ARHGEF10: variants seen among roughly 807,000 people sequenced by gnomAD.
ARHGEF10 encodes Rho guanine nucleotide exchange factor (GEF) 10.
ARHGEF10 carries 140 observed loss-of-function variants against 147.4 expected under a neutral mutation model. That is an observed-to-expected ratio of 0.95 (90% CI 0.83 to 1.09). The LOEUF (loss-of-function observed/expected upper bound fraction) is 1.09, where lower values mean the gene tolerates loss of function less well. Among genes scored for constraint, ARHGEF10 ranks in the 50% least tolerant of loss-of-function variants. The pLI is 0.00. For missense variants in ARHGEF10, 2,222 were observed against 1,752.7 expected, an observed-to-expected ratio of 1.27 and a Z score of -4.78; for synonymous variants, 902 against 695.8, an observed-to-expected ratio of 1.30 and a Z score of -4.67.
chr8:1,869,488 A>C lies in ARHGEF10; in HGVS notation c.679+238A>C, dbSNP rs576600042. On this transcript the variant is annotated intron_variant, in intron 7 of 28. Coordinates refer to ENST00000349830, the MANE Select transcript of ARHGEF10 (RefSeq NM_014629.4). ...CTTACTTATCCCAAGCAAACAGAGG[A>C]GTAAAGGTACAGAAAATGCCGGCAA... 4.3e-5 allele frequency: 27 copies of C among 626,418 alleles called. No individual in the cohort carries two copies. In the African/African-American group the frequency reaches 4.9e-4, roughly 11 times the overall value. The allele number at this position is 626,418 out of a possible 1,614,324, so 38.8% of individuals were successfully genotyped here. A position where few individuals can be genotyped will look rare whatever the true frequency, so the allele number is the denominator to read the frequency against.
chr8:1,853,189 A>G (rs1805278682), intron 2 of ARHGEF10, among the ~76,000 whole-genome samples: 1 of 152,126 alleles, frequency 6.6e-6, no homozygotes, highest in African/African-American at 2.4e-5. Context: ...GACTCTCAGA[A>G]CCTGCCGTCC....
intron 2 of ARHGEF10, 56 bp from the exon 3 acceptor site, chr8:1,857,904 A>G: frequency 3.9e-6 from 5 of 1,281,158 alleles, no homozygotes; most frequent in African/African-American, 2.9e-5. Context: ...CTATCTATCT[A>G]TCTATCTATC....
chr8:1,895,364 G>A (rs1809886691), intron 13 of ARHGEF10, among the ~76,000 whole-genome samples: 1 of 151,868 alleles, frequency 6.6e-6, no homozygotes, highest in Non-Finnish European at 1.5e-5. Context: ...TGCAAGTTTT[G>A]AAAAAAGTGT....
chr8:1,884,364 C>G (rs530097030), intron 10 of ARHGEF10, among the ~76,000 whole-genome samples: 29 of 150,854 alleles, frequency 1.9e-4, no homozygotes, highest in African/African-American at 6.6e-4. Flanking sequence ...CCACTGCACT[C>G]CAGCCTGGGC....
chr8:1,937,580 T>C lies in ARHGEF10; in HGVS notation c.3222+3638T>C, dbSNP rs1488309190. On this transcript the variant is annotated intron_variant, in intron 26 of 28. Transcript: ENST00000349830. This position sits in a 1 kb window ranked among gnomAD's most constrained non-coding sequence, Gnocchi z 4.9. ...TTTAGTACCAAAATAACTAAATACA[T>C]TTTTAGAAAGAAGCAAAAATCTGCT... Among the ~76,000 whole-genome samples the C allele has an allele frequency of 6.6e-6, 1 of 152,238 alleles. No homozygotes were observed. The highest frequency in any genetic ancestry group is 6.5e-5 in the Admixed American group (1 of 15,286).
chr8:1,932,368 T>C lies in ARHGEF10; in HGVS notation c.3080-1432T>C, dbSNP rs1813218751. 1.3e-5 allele frequency among the ~76,000 whole-genome samples: 2 copies of C among 152,126 alleles called. 1 individual carries two copies. Among genetic ancestry groups the C allele is most frequent in the South Asian group, 4.1e-4 (2 of 4,830 alleles). ...ATGTGTGTGCAGGCGTGTGTGTGCC[T>C]TGAGTGCACATGTGCAGACGTGTGT... On this transcript the variant is annotated intron_variant, in intron 25 of 28. Coordinates refer to ENST00000349830, the MANE Select transcript of ARHGEF10 (RefSeq NM_014629.4).
chr8:1,847,601 A>G (rs1804659915), intron 2 of ARHGEF10, among the ~76,000 whole-genome samples: 2 of 152,018 alleles, frequency 1.3e-5, no homozygotes, highest in Admixed American at 1.3e-4. Context: ...TTCTGGGGGC[A>G]GCATTGTTTC....
At chr8:1,951,522 G>C (rs1360006091) in intron 27 of ARHGEF10, among the ~76,000 whole-genome samples, 3 of 152,194 alleles carry the variant, frequency 2.0e-5, no homozygotes, top group Non-Finnish European at 4.4e-5. Flanking sequence ...TTTTGGGGGA[G>C]GCTGTTTGAC....
At chr8:1,827,050 AG>A (rs1802811965) in intron 1 of ARHGEF10, among the ~76,000 whole-genome samples, 1 of 152,202 alleles carries the variant, frequency 6.6e-6, no homozygotes, top group Non-Finnish European at 1.5e-5. Flanking sequence ...GCCGGTGACC[AG>A]CAGGGGTCCT....
intron 9 of ARHGEF10, among the ~76,000 whole-genome samples, chr8:1,881,387 C>A (rs969193754): frequency 2.6e-5 from 4 of 152,134 alleles, no homozygotes; most frequent in African/African-American, 9.7e-5. Context: ...GGTTCACAGC[C>A]CAAATCTGGG....
At chr8:1,830,237 G>GCAGGCGGCTCATTTCCCGTGGGGCT (rs1250158633) in intron 1 of ARHGEF10, among the ~76,000 whole-genome samples, 8 of 67,692 alleles carry the variant, frequency 1.2e-4, no homozygotes, top group African/African-American at 2.9e-4. Context: ...GGCATGCGTG[G>GCAGGCGGCTCATTTCCCGTGGGGCT]CAGGCGGCTC....
intron 11 of ARHGEF10, among the ~76,000 whole-genome samples, chr8:1,888,517 GGGT>G: frequency 7.3e-6 from 1 of 136,946 alleles, no homozygotes; most frequent in African/African-American, 3.0e-5. Flanking sequence ...ATACTGAGTG[GGGT>G]GAGGGGTCTG....
At chr8:1,892,277 C>CTATGTGTG (rs1809594051) in intron 11 of ARHGEF10, among the ~76,000 whole-genome samples, 1 of 126,600 alleles carries the variant, frequency 7.9e-6, no homozygotes, top group African/African-American at 3.2e-5. Context: ...GCTTCTGGCT[C>CTATGTGTG]TGTGTGTGTG....
At chr8:1,955,142 C>T (rs6994386) in intron 28 of ARHGEF10, among the ~76,000 whole-genome samples, 109 of 32,056 alleles carry the variant, frequency 3.4e-3, no homozygotes, top group African/African-American at 7.4e-3. Flanking sequence ...TCTCACTGTT[C>T]CTCTGGAGGA....
chr8:1,878,776 G>A (rs1291015769), intron 8 of ARHGEF10, among the ~76,000 whole-genome samples: 3 of 152,186 alleles, frequency 2.0e-5, no homozygotes, highest in Non-Finnish European at 4.4e-5. Context: ...TATCCCAGAG[G>A]AGCCCTTGAC....
At chr8:1,830,192 C>A (rs1393939914) in intron 1 of ARHGEF10, among the ~76,000 whole-genome samples, 1 of 151,540 alleles carries the variant, frequency 6.6e-6, no homozygotes, top group Non-Finnish European at 1.5e-5. Flanking sequence ...TGTGCGCGCA[C>A]CTGTAATCCT....
intron 8 of ARHGEF10, among the ~76,000 whole-genome samples, chr8:1,878,226 G>C (rs1401076121): frequency 2.6e-5 from 4 of 151,844 alleles, no homozygotes; most frequent in African/African-American, 9.7e-5. Flanking sequence ...AGTCTTGCCT[G>C]TCGCTCAGGC....
chr8:1,953,622 A>G (rs1363534679), intron 28 of ARHGEF10, among the ~76,000 whole-genome samples: 1 of 71,154 alleles, frequency 1.4e-5, no homozygotes, highest in Non-Finnish European at 2.8e-5. Flanking sequence ...CATTTGCCAC[A>G]GCATTTAATT....
At chr8:1,862,757 T>G (rs928656639) in intron 4 of ARHGEF10, among the ~76,000 whole-genome samples, 1 of 151,116 alleles carries the variant, frequency 6.6e-6, no homozygotes, top group Non-Finnish European at 1.5e-5. Flanking sequence ...GGGTGTTTCT[T>G]TTCCTTTTTT....
Sources: gnomAD v4.1 joint callset for allele counts (sites outside exome capture counted in the v4.1 genomes callset) on GRCh38, gnomAD v4.1.1 for gene constraint, Gnocchi (gnomAD v3.1) non-coding constraint, MANE v1.5 for transcripts, NCBI Gene and HGNC (gene_info 2026-07-23, HGNC 2026-07-21) for gene names.